Variants in COL2A1 observed in about 807,000 individuals in gnomAD.
COL2A1 encodes the protein collagen type II alpha 1 chain.
Under a neutral mutation model 204.5 loss-of-function variants are expected in COL2A1, and 28 were observed. That is an observed-to-expected ratio of 0.14 (90% confidence interval 0.10 to 0.19). The LOEUF (loss-of-function observed/expected upper bound fraction) is 0.19. Ranked by LOEUF, COL2A1 falls within the 10% of genes least tolerant of loss-of-function variation. COL2A1 has a pLI of 1.00. For synonymous variants in COL2A1, 708 were observed against 718.7 expected, an observed-to-expected ratio of 0.99 and a Z score of 0.24; for missense variants, 1,388 against 2,027.5, an observed-to-expected ratio of 0.68 and a Z score of 6.06.
upstream of COL2A1, chr12:48,004,618 C>A: frequency 3.4e-6 from 1 of 297,186 alleles, no homozygotes; most frequent in Non-Finnish European, 6.3e-6. Flanking sequence ...TGGGCCCTGC[C>A]AGTGCCCGCA....
At chr12:47,982,820 G>T (rs1453216362) in intron 33 of COL2A1, 28 bp downstream of exon 33, 49 of 1,584,470 alleles carry the variant, frequency 3.1e-5, no homozygotes, top group Non-Finnish European at 4.2e-5. Flanking sequence ...CTACCACGAA[G>T]ACCCCTACAG....
intron 44 of COL2A1, 28 bp downstream of exon 44, chr12:47,977,982 G>T (rs761456730): frequency 3.4e-5 from 55 of 1,597,094 alleles, no homozygotes; most frequent in Non-Finnish European, 4.6e-5. Flanking sequence ...CCCCAATCAG[G>T]GCCACCCCAG....
rs1055360917 is a variant in COL2A1, at chr12:47,976,823, G to A, written c.3424C>T (p.Pro1142Ser). The change falls in exon 48 of 54, where the codon CCC becomes TCC. Residue 1142 changes from proline (P) to serine (S), a missense_variant. Coordinates refer to ENST00000380518, the MANE Select transcript of COL2A1 (RefSeq NM_001844.5). The surrounding 1 kb of genome is among the most constrained non-coding windows in gnomAD (Gnocchi z 4.3). ...HRGFTGLQGL[P>S]GPPGPSGDQG... ...GCAGTGACACTCACAGGAGGGCCGG[G>A]CAGACCCTGCAGACCAGTGAAGCCA... 5.0e-6 allele frequency: 8 copies of A among 1,612,954 alleles called. No individual in the cohort carries two copies. The highest frequency in any genetic ancestry group is 3.3e-4 in the Middle Eastern group (2 of 6,058).
chr12:47,980,540 G>A lies in COL2A1; in HGVS notation c.2625+14C>T. ...TCCTTGAGGGAACAATTCTTGGAGT[G>A]CAGCGTTACCCACCTGAGGCCCAGG... On this transcript the variant is annotated intron_variant, in intron 39 of 53. Coordinates refer to ENST00000380518, the MANE Select transcript of COL2A1 (RefSeq NM_001844.5). This position sits in a 1 kb window ranked among gnomAD's most constrained non-coding sequence, Gnocchi z 4.5. 1.3e-6 allele frequency: 2 copies of A among 1,586,468 alleles called. No individual in the cohort carries two copies. The highest frequency in any genetic ancestry group is 1.1e-5 in the South Asian group (1 of 87,440).
intron 11 of COL2A1, 40 bp from the exon 12 acceptor site, chr12:47,994,517 C>T (rs765736519): frequency 2.3e-5 from 37 of 1,610,622 alleles, no homozygotes; most frequent in South Asian, 6.6e-5. Context: ...TCCTCAGAGA[C>T]GCAGTAGCAT....
intron 1 of COL2A1, among the ~76,000 whole-genome samples, chr12:48,000,435 G>A (rs765031433): frequency 6.6e-6 from 1 of 152,176 alleles, no homozygotes; most frequent in Non-Finnish European, 1.5e-5. Context: ...ATACGGGGGA[G>A]ACCAGGTGAT....
intron 1 of COL2A1, among the ~76,000 whole-genome samples, chr12:48,003,328 C>G (rs1044057693): frequency 2.6e-5 from 4 of 151,906 alleles, no homozygotes; most frequent in Non-Finnish European, 4.4e-5. Flanking sequence ...CACACACACA[C>G]GCACACACAC....
chr12:47,986,410 C>T lies in COL2A1; in HGVS notation c.1453G>A (p.Ala485Thr), dbSNP rs556023617. 14 of 1,563,044 alleles carry T rather than the reference C, an allele frequency of 9.0e-6. No homozygotes were observed. Among genetic ancestry groups the T allele is most frequent in the Admixed American group, 3.8e-5 (2 of 52,788 alleles). Residue 485 changes from alanine (A) to threonine (T), a missense_variant, in exon 23 of 54, where the codon GCT becomes ACT. Ala to Thr is a moderately conservative substitution (Grantham distance 58). Around this residue, in one of 3 missense-constraint regions of COL2A1, gnomAD observed 884 missense variants for 1,415.8 expected, o/e 0.62. Transcript: ENST00000380518. The stretch of plus-strand genomic sequence containing the variant: ...GCACCTCTCTTGCCTTCTTCACCAG[C>T]GGGTCCAGGGGCTCCCTGGGGGCCA... The part of the protein sequence containing the change: ...PAGPQGAPGP[A>T]GEEGKRGARG...
intron 29 of COL2A1, 121 bp downstream of exon 29, chr12:47,983,966 T>G: frequency 9.9e-7 from 1 of 1,012,148 alleles, no homozygotes; most frequent in Non-Finnish European, 1.5e-6. Flanking sequence ...AGAGTGAGTC[T>G]GGTGTATCAG....
At chr12:48,006,090 T>C (rs1464221176), upstream of COL2A1, 1 of 152,250 alleles carries the variant, frequency 6.6e-6, no homozygotes, top group East Asian at 1.9e-4. Flanking sequence ...CATGCTCCCA[T>C]TCAGGGGCTT....
intron 1 of COL2A1, among the ~76,000 whole-genome samples, chr12:48,001,461 G>T (rs1940228227): frequency 6.6e-6 from 1 of 152,242 alleles, no homozygotes; most frequent in Admixed American, 6.5e-5. Flanking sequence ...GAATGCAGGC[G>T]GTGAGGAAGG....
At position 47,978,516 on chromosome 12, in the gene COL2A1, C is replaced by T; in HGVS notation, c.2895+81G>A. ...GCATCCCCACGGCCCCTGCTCCCTC[C>T]TACCCCATGCTCTGTGAGCTCAGAA... On this transcript the variant is annotated intron_variant, in intron 42 of 53. Coordinates refer to ENST00000380518, the MANE Select transcript of COL2A1 (RefSeq NM_001844.5). This position sits in a 1 kb window ranked among gnomAD's most constrained non-coding sequence, Gnocchi z 5.5. The T allele has an allele frequency of 6.3e-7, 1 of 1,593,280 alleles. No individual in the cohort carries two copies. The highest frequency in any genetic ancestry group is 8.6e-7 in the Non-Finnish European group (1 of 1,167,156).
At chr12:48,004,579 A>C (rs2136653981), upstream of COL2A1, 1 of 385,840 alleles carries the variant, frequency 2.6e-6, no homozygotes, top group Non-Finnish European at 4.7e-6. Flanking sequence ...CTGGGCTGTA[A>C]CCTGAACCGC....
In COL2A1 at chr12:47,978,295, G is replaced by A. The variant is rs149321146; in HGVS notation, c.2999C>T (p.Pro1000Leu). 1.5e-5 allele frequency: 25 copies of A among 1,613,770 alleles called. No homozygotes were observed. The highest frequency in any genetic ancestry group is 6.7e-5 in the East Asian group (3 of 44,880). ...GGAGGGATACCCCACACTCACCGAC[G>A]GGCCAGGCAAGCCAGGGAATCCTCT... ...GERGFPGLPGPSGEPGKQGAP... is the reference protein window; with the variant it reads ...GERGFPGLPGLSGEPGKQGAP... Residue 1000 changes from proline (P) to leucine (L), a missense_variant, in exon 43 of 54, where the codon CCG becomes CTG. Around this residue, in one of 3 missense-constraint regions of COL2A1, gnomAD observed 884 missense variants for 1,415.8 expected, o/e 0.62. Transcript: ENST00000380518. The surrounding 1 kb of genome is among the most constrained non-coding windows in gnomAD (Gnocchi z 5.5).
At chr12:47,973,984 A>G in intron 53 of COL2A1, 105 bp downstream of exon 53, 1 of 1,541,242 alleles carries the variant, frequency 6.5e-7, no homozygotes, top group East Asian at 2.3e-5. Context: ...CATGCCTCTG[A>G]TGATCCTGTC....
rs778019716 is a variant in COL2A1 at position 47,985,593 on chromosome 12, T to C, written c.1681-6A>G. 5.6e-6 allele frequency: 9 copies of C among 1,613,812 alleles called. No individual in the cohort carries two copies. The highest frequency in any genetic ancestry group is 4.0e-5 in the African/African-American group (3 of 74,894). Reference sequence around the variant, plus strand: ...CCAGGGCGGCCAGTGAGACCCTTTGTTCAGGAGAGAGAAGAGGGTGGGGTC... The same window carrying C: ...CCAGGGCGGCCAGTGAGACCCTTTGCTCAGGAGAGAGAAGAGGGTGGGGTC... On this transcript the variant is annotated splice_polypyrimidine_tract_variant and splice_region_variant and intron_variant, in intron 25 of 53. Transcript: ENST00000380518.
At chr12:47,998,603 G>T in intron 2 of COL2A1, 172 bp from the exon 3 acceptor site, 1 of 677,474 alleles carries the variant, frequency 1.5e-6, no homozygotes. Flanking sequence ...TAGGGCCACT[G>T]TGGCCCTGGG....
chr12:47,980,189 C>A lies in COL2A1; in HGVS notation c.2626-127G>T. ...AGCTTTCTTGGCACTAAAAACCCAGCCTGAAGAGGCTGCCACAGGCAGCTC... is the reference window on the plus strand; with the variant it reads ...AGCTTTCTTGGCACTAAAAACCCAGACTGAAGAGGCTGCCACAGGCAGCTC... On this transcript the variant is annotated intron_variant, in intron 39 of 53. Transcript: ENST00000380518. The surrounding 1 kb of genome is among the most constrained non-coding windows in gnomAD (Gnocchi z 4.5). 1 of 837,128 alleles carries A rather than the reference C, an allele frequency of 1.2e-6. No individual in the cohort carries two copies. Among genetic ancestry groups the A allele is most frequent in the Non-Finnish European group, 2.0e-6 (1 of 504,032 alleles). 51.9% of individuals were successfully genotyped at this position (837,128 alleles called of 1,614,324 possible).
intron 12 of COL2A1, among the ~76,000 whole-genome samples, 162 bp from the exon 13 acceptor site, chr12:47,994,209 G>A (rs188970090): frequency 3.9e-4 from 60 of 152,142 alleles, no homozygotes; most frequent in Non-Finnish European, 6.6e-4. Flanking sequence ...ACCCCTCCCC[G>A]TACCCCCCAT....
Sources: allele counts gnomAD v4.1 joint callset (sites outside exome capture counted in the v4.1 genomes callset), GRCh38; gene constraint gnomAD v4.1.1; regional missense constraint gnomAD v4.1.1; non-coding constraint Gnocchi (gnomAD v3.1); transcripts MANE v1.5; gene names NCBI Gene and HGNC (gene_info 2026-07-23, HGNC 2026-07-21).